PAN3: variants seen among roughly 807,000 people sequenced by gnomAD.
PAN3 encodes PAN2-PAN3 deadenylation complex subunit PAN3.
A neutral mutation model predicts 96.2 loss-of-function variants in PAN3; 19 were observed. The observed-to-expected ratio is 0.20, with a 90% CI of 0.14 to 0.29. The LOEUF (loss-of-function observed/expected upper bound fraction) is 0.29. Ranked by LOEUF, PAN3 falls within the 10% of genes least tolerant of loss-of-function variation. PAN3 has a pLI of 1.00. For missense variants in PAN3, 882 were observed against 1,108.1 expected (o/e 0.80, Z 2.90); for synonymous variants, 433 against 406.6 (o/e 1.06, Z -0.78).
Position 28,277,367 on chromosome 13 carries a change from A to G in PAN3, c.2180A>G (p.Asn727Ser). The G allele has an allele frequency of 1.2e-6, 2 of 1,609,338 alleles. No individual in the cohort carries two copies. The highest frequency in any genetic ancestry group is 1.7e-6 in the Non-Finnish European group (2 of 1,178,450). The part of the protein sequence containing the change: ...VTINYSSDLK[N>S]LILYLLTDQN... ...ATCAACTATTCCTCTGACCTGAAGAATCTGATTTTGTAAGTTTTAATATAT... is the reference window on the plus strand; with the variant it reads ...ATCAACTATTCCTCTGACCTGAAGAGTCTGATTTTGTAAGTTTTAATATAT... Residue 727 changes from asparagine (N) to serine (S), a missense_variant, in exon 15 of 19, where the codon AAT (asparagine) becomes AGT (serine). By Grantham distance (46) the Asn-to-Ser change is conservative. Transcript: ENST00000380958.
intron 18 of PAN3, among the ~76,000 whole-genome samples, chr13:28,289,873 C>T (rs372880317): frequency 1.3e-5 from 2 of 151,922 alleles, no homozygotes; most frequent in East Asian, 1.9e-4. Flanking sequence ...TAGAGCGAGA[C>T]TCCGTCTCAA....
intron 1 of PAN3, among the ~76,000 whole-genome samples, chr13:28,154,539 G>C (rs189340871): frequency 6.6e-6 from 1 of 152,134 alleles, no homozygotes; most frequent in Non-Finnish European, 1.5e-5. Flanking sequence ...TTGTCGCCCA[G>C]GGTGGAGTAC....
intron 9 of PAN3, among the ~76,000 whole-genome samples, chr13:28,261,696 G>T (rs1885738999): frequency 1.3e-5 from 2 of 152,036 alleles, no homozygotes; most frequent in African/African-American, 4.8e-5. Flanking sequence ...GGGAGTGGTG[G>T]TGCATATTTG....
At chr13:28,176,114 G>A (rs750131792) in intron 2 of PAN3, among the ~76,000 whole-genome samples, 8 of 152,154 alleles carry the variant, frequency 5.3e-5, no homozygotes, top group Non-Finnish European at 1.0e-4. Flanking sequence ...TAGTACAAAT[G>A]GAGAAAGGGT....
At chr13:28,139,476 T>A (rs980225137) in intron 1 of PAN3, among the ~76,000 whole-genome samples, 1 of 145,564 alleles carries the variant, frequency 6.9e-6, no homozygotes, top group African/African-American at 2.6e-5. Context: ...GAGTGGCGTC[T>A]GCAGAGTGTT....
intron 1 of PAN3, among the ~76,000 whole-genome samples, chr13:28,145,916 G>A (rs1012161750): frequency 6.6e-6 from 1 of 151,478 alleles, no homozygotes; most frequent in Non-Finnish European, 1.5e-5. Context: ...ACAGGCTTGC[G>A]CCACCACGCC....
rs1349067297 is a variant in PAN3, at chr13:28,139,311, G to T, written c.430+224G>T. On this transcript the variant is annotated intron_variant, in intron 1 of 18. Coordinates refer to ENST00000380958, the MANE Select transcript of PAN3 (RefSeq NM_175854.8). The stretch of plus-strand genomic sequence containing the variant: ...AGAGCGCGGGGAGGTTGGGTTCCCG[G>T]GAACGTGGGTGGGAGGACTGGGGTG... Among the ~76,000 whole-genome samples, 39 of 149,754 alleles carry T rather than the reference G, an allele frequency of 2.6e-4. 1 individual carries two copies. The highest frequency in any genetic ancestry group is 2.5e-3 in the Admixed American group (38 of 15,102).
chr13:28,260,663 T>A, intron 8 of PAN3, 112 bp downstream of exon 8: 1 of 833,598 alleles, frequency 1.2e-6, no homozygotes, highest in Non-Finnish European at 1.9e-6. Flanking sequence ...TATGCTCTAG[T>A]AAAGCACATC....
chr13:28,242,246 G>T (rs537375940), intron 6 of PAN3, among the ~76,000 whole-genome samples: 2 of 152,074 alleles, frequency 1.3e-5, no homozygotes, highest in Non-Finnish European at 2.9e-5. Flanking sequence ...CCAGATTTTT[G>T]TTATACTTAG....
chr13:28,216,353 G>A, intron 5 of PAN3, among the ~76,000 whole-genome samples: 1 of 152,034 alleles, frequency 6.6e-6, no homozygotes, highest in East Asian at 1.9e-4. Context: ...AAGGAGAGAG[G>A]GGTTTATAAG....
chr13:28,220,306 A>C lies in PAN3; in HGVS notation c.928A>C (p.Asn310His). ...TSRLSNVSQS[N>H]MSAFSQVFSH... ...CAGGCTGAGTAACGTGTCCCAGTCA[A>C]ATATGTCTGCCTTCTCTCAAGTTTT... Residue 310 changes from asparagine (N) to histidine (H), a missense_variant, in exon 6 of 19, where the codon AAT (asparagine) becomes CAT (histidine). Physicochemically the swap from Asn to His is moderately conservative, Grantham distance 68. Around this residue, in one of 3 missense-constraint regions of PAN3, gnomAD observed 442 missense variants for 422.8 expected, o/e 1.05. Coordinates refer to ENST00000380958, the MANE Select transcript of PAN3 (RefSeq NM_175854.8). 1 of 1,613,830 alleles carries C rather than the reference A, an allele frequency of 6.2e-7. No homozygotes were observed. The highest frequency in any genetic ancestry group is 8.5e-7 in the Non-Finnish European group (1 of 1,179,796).
intron 6 of PAN3, among the ~76,000 whole-genome samples, chr13:28,252,521 G>T (rs1369289826): frequency 6.6e-6 from 1 of 152,000 alleles, no homozygotes; most frequent in Non-Finnish European, 1.5e-5. Context: ...GATTAGCCTT[G>T]AAGTTTTTAA....
chr13:28,261,484 T>C, intron 9 of PAN3, 26 bp downstream of exon 9: 1 of 1,584,680 alleles, frequency 6.3e-7, no homozygotes, highest in Non-Finnish European at 8.6e-7. Context: ...ATCCTTCCTT[T>C]CTTTTAAAGG....
rs146327191 is a variant in PAN3, at chr13:28,281,885, T to C, written c.2384+506T>C. ...TCCCAGGTTCAAGCGATTCTCCTGC[T>C]TCAGCCTCCCAAGTAGCTGGGACTA... On this transcript the variant is annotated intron_variant, in intron 17 of 18. Transcript: ENST00000380958. Among the ~76,000 whole-genome samples, 238 of 151,852 alleles carry C rather than the reference T, an allele frequency of 1.6e-3. 1 individual carries two copies. Among genetic ancestry groups the C allele is most frequent in the African/African-American group, 5.2e-3 (214 of 41,432 alleles).
chr13:28,279,752 C>CT (rs1026131049), intron 15 of PAN3, among the ~76,000 whole-genome samples: 1 of 151,102 alleles, frequency 6.6e-6, no homozygotes, highest in Admixed American at 6.6e-5. Context: ...GAACGAGACT[C>CT]TGTCACCAAA....
intron 5 of PAN3, among the ~76,000 whole-genome samples, chr13:28,220,011 A>G (rs76122313): frequency 7.9e-5 from 12 of 152,330 alleles, no homozygotes; most frequent in Middle Eastern, 3.4e-3. Context: ...TGAGGTTAAA[A>G]TTCTGCAAAT....
intron 5 of PAN3, among the ~76,000 whole-genome samples, chr13:28,203,734 C>T (rs1879018637): frequency 6.6e-6 from 1 of 151,900 alleles, no homozygotes; most frequent in Non-Finnish European, 1.5e-5. Context: ...TCTTTTAAGC[C>T]TTGTAATAGA....
chr13:28,241,169 T>C (rs996706458), intron 6 of PAN3, among the ~76,000 whole-genome samples: 1 of 151,994 alleles, frequency 6.6e-6, no homozygotes, highest in African/African-American at 2.4e-5. Context: ...GCTGAGGCAG[T>C]ATATGATTGC....
intron 15 of PAN3, among the ~76,000 whole-genome samples, chr13:28,277,842 C>T (rs1472381182): frequency 6.6e-6 from 1 of 152,176 alleles, no homozygotes; most frequent in Non-Finnish European, 1.5e-5. Context: ...AGGTGCAATC[C>T]AGTCATGTAC....
Sources: gnomAD v4.1 joint callset for allele counts (sites outside exome capture counted in the v4.1 genomes callset) on GRCh38, gnomAD v4.1.1 for gene constraint, gnomAD v4.1.1 regional missense constraint, MANE v1.5 for transcripts, NCBI Gene and HGNC (gene_info 2026-07-23, HGNC 2026-07-21) for gene names.